PCDHGB4: variants seen among roughly 807,000 people sequenced by gnomAD.
PCDHGB4 encodes protocadherin gamma-B4.
Under a neutral mutation model 60.5 loss-of-function variants are expected in PCDHGB4, and 38 were observed. The observed-to-expected ratio is 0.63, with a 90% CI of 0.48 to 0.82. PCDHGB4 has a LOEUF of 0.82. Among genes scored for constraint, PCDHGB4 ranks in the 40% least tolerant of loss-of-function variants. PCDHGB4 has a pLI of 0.00. For missense variants in PCDHGB4, 1,109 were observed against 1,209.6 expected, an observed-to-expected ratio of 0.92 and a Z score of 1.23; for synonymous variants, 456 against 509.7, an observed-to-expected ratio of 0.89 and a Z score of 1.42.
chr5:141,407,703 G>A (rs1016806853), intron 1 of PCDHGB4, among the ~76,000 whole-genome samples: 26 of 152,096 alleles, frequency 1.7e-4, no homozygotes, highest in African/African-American at 6.3e-4. Flanking sequence ...ATTGTTGAAG[G>A]TGGGGTGATG....
intron 1 of PCDHGB4, chr5:141,413,400 G>C: frequency 6.2e-7 from 1 of 1,614,060 alleles, no homozygotes; most frequent in Non-Finnish European, 8.5e-7. Context: ...CCAGAGGTAG[G>C]ACGCAGCTTT....
chr5:141,410,687 T>A, intron 1 of PCDHGB4: 1 of 1,518,632 alleles, frequency 6.6e-7, no homozygotes, highest in Non-Finnish European at 8.8e-7. Context: ...TTAGGCATAC[T>A]ACTTTATTTT....
chr5:141,502,173 T>C (rs1377892969), intron 2 of PCDHGB4, among the ~76,000 whole-genome samples: 2 of 152,178 alleles, frequency 1.3e-5, no homozygotes, highest in African/African-American at 4.8e-5. Flanking sequence ...AGTTGAGGAA[T>C]TTAACATTAA....
intron 1 of PCDHGB4, chr5:141,422,633 G>A (rs769515606): frequency 1.9e-6 from 3 of 1,613,120 alleles, no homozygotes; most frequent in Non-Finnish European, 2.5e-6. Flanking sequence ...AACCCCAGGG[G>A]TGCCTCCATC....
intron 1 of PCDHGB4, chr5:141,408,314 C>A (rs1408322838): frequency 1.2e-6 from 2 of 1,613,846 alleles, no homozygotes; most frequent in Admixed American, 3.3e-5. Context: ...CTACTCGATT[C>A]CGGAGGAGCT....
At position 141,389,870 on chromosome 5, in the gene PCDHGB4, C is replaced by T. The variant is rs1395147259; in HGVS notation, c.1986C>T (p.Phe662=). Residue 662 remains phenylalanine (F), a synonymous_variant, in exon 1 of 4, where the codon TTC becomes TTT. Transcript: ENST00000519479. ...CCACTGCCACGTTGCACCTGGTCTT[C>T]GCCGACAGCTTGCAGGAGGTGCTGC... is the stretch of plus-strand genomic sequence containing the variant. ...LSATATLHLV[F]ADSLQEVLPD... is the part of the protein sequence containing the mutation. The T allele has an allele frequency of 2.5e-6, 4 of 1,613,960 alleles. No individual in the cohort carries two copies. The South Asian group carries it at 3.3e-5, about 13-fold the overall frequency.
At chr5:141,510,155 C>G (rs1044168112) in intron 3 of PCDHGB4, among the ~76,000 whole-genome samples, 2 of 151,942 alleles carry the variant, frequency 1.3e-5, no homozygotes, top group African/African-American at 4.8e-5. Context: ...CACCTGTAAT[C>G]TCAGCTACTC....
chr5:141,415,315 G>T (rs201784236), intron 1 of PCDHGB4: 14 of 1,614,208 alleles, frequency 8.7e-6, no homozygotes, highest in African/African-American at 4.0e-5. Context: ...CTTCGTCATC[G>T]TGCTGCTGGC....
At chr5:141,426,667 A>G in intron 1 of PCDHGB4, 2 of 430,860 alleles carry the variant, frequency 4.6e-6, no homozygotes, top group Non-Finnish European at 9.5e-6. Context: ...ATAAATGATA[A>G]CCCACCTCAT....
Position 141,431,972 on chromosome 5 carries a change from G to T in PCDHGB4, c.2397+41691G>T, listed in dbSNP as rs750484866. On this transcript the variant is annotated intron_variant, in intron 1 of 3. Coordinates refer to ENST00000519479, the MANE Select transcript of PCDHGB4 (RefSeq NM_003736.4). The surrounding 1 kb of genome is among the most constrained non-coding windows in gnomAD (Gnocchi z 4.8). ...ATCTTACGGAAATTACTATAGTTTA[G>T]TCACAGACATAGTCTTGGATAGGGA... is the stretch of plus-strand genomic sequence containing the variant. The T allele has an allele frequency of 8.1e-6, 13 of 1,614,072 alleles. No homozygotes were observed. Among genetic ancestry groups the T allele is most frequent in the Non-Finnish European group, 1.1e-5 (13 of 1,180,028 alleles).
intron 1 of PCDHGB4, chr5:141,400,228 C>T: frequency 1.2e-6 from 2 of 1,614,030 alleles, no homozygotes; most frequent in African/African-American, 2.7e-5. Flanking sequence ...GCTCTTCCTC[C>T]TGGCCGTGAT....
At chr5:141,465,856 C>T (rs1442431032) in intron 1 of PCDHGB4, among the ~76,000 whole-genome samples, 1 of 152,184 alleles carries the variant, frequency 6.6e-6, no homozygotes, top group East Asian at 1.9e-4. Context: ...GGCCCAGTGG[C>T]TCATGCCTGT....
At chr5:141,415,885 C>G in intron 1 of PCDHGB4, 2 of 979,016 alleles carry the variant, frequency 2.0e-6, no homozygotes, top group Non-Finnish European at 2.7e-6. Flanking sequence ...ACAATATTGA[C>G]AATTCCTAAG....
intron 1 of PCDHGB4, chr5:141,420,344 T>G (rs2096490860): frequency 2.2e-6 from 3 of 1,394,808 alleles, no homozygotes; most frequent in African/African-American, 1.5e-5. Flanking sequence ...TATAGTGGTA[T>G]TATTTTAAGA....
At chr5:141,413,775 G>T in intron 1 of PCDHGB4, 1 of 1,612,878 alleles carries the variant, frequency 6.2e-7, no homozygotes, top group South Asian at 1.1e-5. Context: ...AGCTGGTACT[G>T]GAGCACTCCC....
At chr5:141,455,583 A>G (rs1485134189) in intron 1 of PCDHGB4, among the ~76,000 whole-genome samples, 4 of 152,144 alleles carry the variant, frequency 2.6e-5, no homozygotes, top group Non-Finnish European at 2.9e-5. Context: ...CCAGCCTTTT[A>G]ATATGCAAAC....
intron 1 of PCDHGB4, among the ~76,000 whole-genome samples, chr5:141,438,587 C>CATAT (rs1372372472): frequency 2.7e-5 from 2 of 73,430 alleles, no homozygotes; most frequent in Non-Finnish European, 5.2e-5. Context: ...TACATACATA[C>CATAT]ATACATATAT....
intron 1 of PCDHGB4, chr5:141,424,104 A>G (rs1049098128): frequency 6.2e-6 from 5 of 812,458 alleles, no homozygotes; most frequent in Non-Finnish European, 6.1e-6. Flanking sequence ...ATTACTGCTA[A>G]TGTTCAAATT....
intron 1 of PCDHGB4, chr5:141,409,428 C>T (rs2095264686): frequency 6.2e-7 from 1 of 1,613,870 alleles, no homozygotes; most frequent in Admixed American, 1.7e-5. Context: ...ACAGATGGAG[C>T]CCTGGACCGA....
Sources: gnomAD v4.1 joint callset for allele counts (sites outside exome capture counted in the v4.1 genomes callset) on GRCh38, gnomAD v4.1.1 for gene constraint, Gnocchi (gnomAD v3.1) non-coding constraint, MANE v1.5 for transcripts, NCBI Gene and HGNC (gene_info 2026-07-23, HGNC 2026-07-21) for gene names.